Variants in CTNNA2 observed in about 807,000 individuals in gnomAD.
CTNNA2 encodes the protein catenin alpha 2, also known as catenin alpha-2.
CTNNA2 carries 42 observed loss-of-function variants against 101.0 expected under a neutral mutation model. That is an observed-to-expected ratio of 0.42 (90% CI 0.32 to 0.54). The LOEUF (loss-of-function observed/expected upper bound fraction) is 0.54. CTNNA2 is among the 20% of genes least tolerant of loss of function. CTNNA2 has a pLI of 0.14. For missense variants in CTNNA2, 871 were observed against 1,223.1 expected, an observed-to-expected ratio of 0.71 and a Z score of 4.29; for synonymous variants, 450 against 456.4, an observed-to-expected ratio of 0.99 and a Z score of 0.18.
chr2:80,638,374 C>T (rs906769298), intron 18 of CTNNA2, among the ~76,000 whole-genome samples: 3 of 152,116 alleles, frequency 2.0e-5, no homozygotes, highest in African/African-American at 7.2e-5. Flanking sequence ...TGCATAATTC[C>T]TCATGATTTT....
intron 2 of CTNNA2, among the ~76,000 whole-genome samples, chr2:79,246,724 T>G (rs183537473): frequency 4.8e-4 from 73 of 152,378 alleles, no homozygotes; most frequent in African/African-American, 1.6e-3. Context: ...CTAAGTGTGA[T>G]GATGAATAGC....
At chr2:79,693,565 A>G (rs1684462250) in intron 2 of CTNNA2, among the ~76,000 whole-genome samples, 2 of 151,952 alleles carry the variant, frequency 1.3e-5, no homozygotes, top group Non-Finnish European at 2.9e-5. Flanking sequence ...TGATTCTAAG[A>G]AAGAGTGGGA....
chr2:79,539,348 C>T (rs1422351694), intron 1 of CTNNA2, among the ~76,000 whole-genome samples: 4 of 152,088 alleles, frequency 2.6e-5, no homozygotes, highest in Admixed American at 1.3e-4. Flanking sequence ...TGAAAGGCCT[C>T]GAGAAGGCCA....
chr2:80,567,584 C>T (rs1694172811), intron 12 of CTNNA2, among the ~76,000 whole-genome samples: 1 of 152,150 alleles, frequency 6.6e-6, no homozygotes, highest in South Asian at 2.1e-4. Flanking sequence ...TTAGCAGTGT[C>T]TGACAGGAAC....
intron 7 of CTNNA2, among the ~76,000 whole-genome samples, chr2:80,094,918 T>C (rs571370291): frequency 2.0e-5 from 3 of 152,168 alleles, no homozygotes; most frequent in African/African-American, 7.2e-5. Context: ...GACAATGGGG[T>C]TTTCTAGATA....
At chr2:79,457,211 A>G (rs1280515334) in intron 4 of CTNNA2, among the ~76,000 whole-genome samples, 5 of 151,920 alleles carry the variant, frequency 3.3e-5, no homozygotes, top group Admixed American at 6.6e-5. Flanking sequence ...CAAAAAAAAA[A>G]AAAAAGAAAA....
intron 1 of CTNNA2, among the ~76,000 whole-genome samples, chr2:79,597,132 T>G (rs1482747564): frequency 6.6e-6 from 1 of 152,194 alleles, no homozygotes; most frequent in African/African-American, 2.4e-5. Context: ...ATGCCTTTTG[T>G]GTGTGAACAA....
At chr2:80,449,343 T>G (rs1683314293) in intron 9 of CTNNA2, among the ~76,000 whole-genome samples, 1 of 151,946 alleles carries the variant, frequency 6.6e-6, no homozygotes, top group South Asian at 2.1e-4. Flanking sequence ...TAAAATACAC[T>G]TCTTGGTCTA....
chr2:80,500,345 C>A (rs1452636785), intron 9 of CTNNA2, among the ~76,000 whole-genome samples: 1 of 152,134 alleles, frequency 6.6e-6, no homozygotes, highest in Non-Finnish European at 1.5e-5. Context: ...TTTATTCATT[C>A]ATTCATTTAC....
chr2:79,345,372 C>T (rs1008690409), intron 3 of CTNNA2, among the ~76,000 whole-genome samples: 1 of 152,034 alleles, frequency 6.6e-6, no homozygotes, highest in Non-Finnish European at 1.5e-5. Context: ...GGTTTGTTCT[C>T]TCATAGGCTA....
At chr2:79,378,203 G>T (rs6704904) in intron 4 of CTNNA2, among the ~76,000 whole-genome samples, 113,099 of 151,772 alleles carry the variant, frequency 0.75, 42,432 homozygotes, top group South Asian at 0.83. Flanking sequence ...TTCCCATTTT[G>T]TACTTTATTT....
intron 9 of CTNNA2, among the ~76,000 whole-genome samples, chr2:80,543,301 C>G (rs1053968129): frequency 2.0e-5 from 3 of 152,118 alleles, no homozygotes; most frequent in African/African-American, 7.2e-5. Flanking sequence ...TGGTTCCTGC[C>G]CCACATCTAA....
At chr2:79,840,769 T>C (rs76912302) in intron 3 of CTNNA2, among the ~76,000 whole-genome samples, 2 of 36,410 alleles carry the variant, frequency 5.5e-5, no homozygotes, top group South Asian at 7.5e-4. Context: ...TACCTCTCTT[T>C]TTTTTTTTTT....
At chr2:79,224,457 A>G (rs1051848888) in intron 2 of CTNNA2, among the ~76,000 whole-genome samples, 1 of 152,176 alleles carries the variant, frequency 6.6e-6, no homozygotes. Context: ...TCAGTTACCT[A>G]TATACCTGTG....
At chr2:80,551,108 CAG>C (rs1297058550) in intron 11 of CTNNA2, among the ~76,000 whole-genome samples, 3 of 152,174 alleles carry the variant, frequency 2.0e-5, no homozygotes, top group Non-Finnish European at 4.4e-5. Flanking sequence ...ATATCTCCAT[CAG>C]AGCTCTTGGG....
At chr2:79,272,116 T>G (rs1032753065) in intron 2 of CTNNA2, among the ~76,000 whole-genome samples, 4 of 152,068 alleles carry the variant, frequency 2.6e-5, no homozygotes, top group Admixed American at 6.6e-5. Flanking sequence ...TTAGCTTTTC[T>G]AAGACTTACG....
At chr2:79,760,246 A>G (rs1169155468) in intron 3 of CTNNA2, among the ~76,000 whole-genome samples, 1 of 152,000 alleles carries the variant, frequency 6.6e-6, no homozygotes, top group Non-Finnish European at 1.5e-5. Context: ...GGCCTTTTCT[A>G]ACCCCTTGAT....
chr2:79,683,924 G>A (rs1683758437), intron 2 of CTNNA2, among the ~76,000 whole-genome samples: 2 of 152,142 alleles, frequency 1.3e-5, no homozygotes, highest in African/African-American at 4.8e-5. Context: ...AACAGCAGGT[G>A]GCCACAGAGA....
At chr2:80,568,977 T>C (rs765874532) in intron 12 of CTNNA2, among the ~76,000 whole-genome samples, 2 of 152,190 alleles carry the variant, frequency 1.3e-5, no homozygotes, top group Non-Finnish European at 2.9e-5. Flanking sequence ...ATCATTGGAA[T>C]ACTTAAAGCA....
Sources: gnomAD v4.1 joint callset for allele counts (sites outside exome capture counted in the v4.1 genomes callset) on GRCh38, gnomAD v4.1.1 for gene constraint, MANE v1.5 for transcripts, NCBI Gene and HGNC (gene_info 2026-07-23, HGNC 2026-07-21) for gene names.